Variants in SMCO1 observed in about 807,000 individuals in gnomAD.
SMCO1 encodes the protein single-pass membrane and coiled-coil domain-containing protein 1.
SMCO1 carries 9 observed loss-of-function variants against 7.5 expected under a neutral mutation model. That is an observed-to-expected ratio of 1.20 (90% CI 0.72 to 2.09). SMCO1 has a LOEUF of 2.09. Among genes scored for constraint, SMCO1 ranks in the 30% most tolerant of loss-of-function variants. SMCO1 has a pLI of 0.00. For missense variants in SMCO1, 219 were observed against 253.1 expected, an observed-to-expected ratio of 0.87 and a Z score of 0.91; for synonymous variants, 90 against 93.8, an observed-to-expected ratio of 0.96 and a Z score of 0.23.
chr3:196,509,475 C>G, intron 2 of SMCO1, 45 bp downstream of exon 2: 1 of 1,557,132 alleles, frequency 6.4e-7, no homozygotes, highest in Non-Finnish European at 8.8e-7. Flanking sequence ...AGTGGAAGCT[C>G]TCACAAAGCC....
upstream of SMCO1, among the ~76,000 whole-genome samples, chr3:196,519,539 T>A (rs917307993): frequency 7.2e-5 from 11 of 152,234 alleles, no homozygotes; most frequent in Admixed American, 5.2e-4. Flanking sequence ...CATTAGGTCC[T>A]TAAGTCCCTT....
chr3:196,513,426 C>A (rs541937366), intron 1 of SMCO1, among the ~76,000 whole-genome samples: 4 of 151,772 alleles, frequency 2.6e-5, no homozygotes, highest in Non-Finnish European at 5.9e-5. Context: ...GTCAAGAGAT[C>A]GAGACCATCC....
rs530369056 is a variant in SMCO1, at chr3:196,514,408, G to T, written c.50+752C>A. On this transcript the variant is annotated intron_variant, in intron 1 of 2. Transcript: ENST00000397537. ...TTTTCTCCCTCATAAGCTCCTACTT[G>T]CACTTTAAGATCCAGCTTAAATGAC... Among the ~76,000 whole-genome samples the T allele has an allele frequency of 7.2e-4, 110 of 152,202 alleles. 1 individual carries two copies. Among genetic ancestry groups the T allele is most frequent in the African/African-American group, 2.4e-3 (99 of 41,534 alleles).
Position 196,509,668 on chromosome 3 carries a change from C to T in SMCO1, c.52G>A (p.Val18Ile), listed in dbSNP as rs1733167212. Reference protein sequence around the residue: ...LISLKEAMKRVDHKLQALETQ... With the variant: ...LISLKEAMKRIDHKLQALETQ... ...TCTAACGCTTGGAGTTTGTGGTCTA[C>T]TCTGTAGGATAACAGAATCAAGGGT... Residue 18 changes from valine (V) to isoleucine (I), a missense_variant and splice_region_variant, in exon 2 of 3, where the codon GTA becomes ATA. Transcript: ENST00000397537. 1.2e-6 allele frequency: 2 copies of T among 1,613,364 alleles called. No individual in the cohort carries two copies. The highest frequency in any genetic ancestry group is 1.7e-6 in the Non-Finnish European group (2 of 1,179,446).
Position 196,507,172 on chromosome 3 carries a change from T to C in SMCO1, c.*715A>G, listed in dbSNP as rs895760991. Reference sequence around the variant, plus strand: ...GAATGGGAGCTCTCAGTCTGGCTCATGGATTTATCCAGAACTCATAGCTTG... The same window carrying C: ...GAATGGGAGCTCTCAGTCTGGCTCACGGATTTATCCAGAACTCATAGCTTG... On this transcript the variant is annotated 3_prime_UTR_variant, in exon 3 of 3. Coordinates refer to ENST00000397537, the MANE Select transcript of SMCO1 (RefSeq NM_001077657.3). 6.6e-6 allele frequency: 1 copy of C among 152,236 alleles called. No homozygotes were observed. The highest frequency in any genetic ancestry group is 2.4e-5 in the African/African-American group (1 of 41,446). 9.4% of individuals were successfully genotyped at this position (152,236 alleles called of 1,614,324 possible).
chr3:196,515,226 G>A lies in SMCO1; in HGVS notation c.-17C>T. 6.3e-7 allele frequency: 1 copy of A among 1,585,400 alleles called. No individual in the cohort carries two copies. The highest frequency in any genetic ancestry group is 8.6e-7 in the Non-Finnish European group (1 of 1,156,242). On this transcript the variant is annotated 5_prime_UTR_variant, in exon 1 of 3. Transcript: ENST00000397537. ...ATTGTTCATCTTCTGAAGGCAAAAG[G>A]AAAGAAAACAAAAACAAAGCAAAAC...
At position 196,515,007 on chromosome 3, in the gene SMCO1, T is replaced by C. The variant is rs549742753; in HGVS notation, c.50+153A>G. On this transcript the variant is annotated intron_variant, in intron 1 of 2. Transcript: ENST00000397537. Reference sequence around the variant, plus strand: ...CGCCCACCTCGGCCTCCCAGTGTGCTGGGATTACAGGTGTGAGCCACCGCA... The same window carrying C: ...CGCCCACCTCGGCCTCCCAGTGTGCCGGGATTACAGGTGTGAGCCACCGCA... The C allele has an allele frequency of 2.6e-4, 228 of 887,300 alleles. 7 individuals are homozygous for C. The South Asian group carries it at 2.9e-3, about 11-fold the overall frequency. 55.0% of individuals were successfully genotyped at this position (887,300 alleles called of 1,614,324 possible).
intron 1 of SMCO1, 122 bp from the exon 2 acceptor site, chr3:196,509,791 TTAC>T: frequency 1.3e-6 from 1 of 781,014 alleles, no homozygotes; most frequent in Non-Finnish European, 1.9e-6. Context: ...TTTTTTTTTT[TTAC>T]TTTTACTTTA....
chr3:196,515,310 G>A lies in SMCO1; in HGVS notation c.-101C>T, dbSNP rs574318227. ...TCTGCGGTCTTCCTCTCAGCAACAG[G>A]CAGCAGTAGCAGGAGCGCTCAGTCT... is the stretch of plus-strand genomic sequence containing the variant. On this transcript the variant is annotated 5_prime_UTR_variant, in exon 1 of 3. Coordinates refer to ENST00000397537, the MANE Select transcript of SMCO1 (RefSeq NM_001077657.3). 4 of 837,246 alleles carry A rather than the reference G, an allele frequency of 4.8e-6. No homozygotes were observed. The highest frequency in any genetic ancestry group is 1.8e-5 in the Admixed American group (1 of 55,094). The allele number at this position is 837,246 out of a possible 1,614,324, so 51.9% of individuals were successfully genotyped here.
intron 1 of SMCO1, among the ~76,000 whole-genome samples, chr3:196,511,131 C>A (rs1306475259): frequency 1.4e-5 from 2 of 144,076 alleles, no homozygotes; most frequent in African/African-American, 5.6e-5. Flanking sequence ...CCTAGATTGT[C>A]TTTATGAGGG....
In SMCO1 at chr3:196,509,667, A is replaced by C; in HGVS notation, c.53T>G (p.Val18Gly). The C allele has an allele frequency of 6.2e-7, 1 of 1,613,270 alleles. No homozygotes were observed. The highest frequency in any genetic ancestry group is 8.5e-7 in the Non-Finnish European group (1 of 1,179,398). ...TTCTAACGCTTGGAGTTTGTGGTCT[A>C]CTCTGTAGGATAACAGAATCAAGGG... is the stretch of plus-strand genomic sequence containing the variant. ...LISLKEAMKR[V>G]DHKLQALETQ... The change falls in exon 2 of 3, where the codon GTA (valine) becomes GGA (glycine). Residue 18 changes from valine to glycine, a missense_variant and splice_region_variant. Physicochemically the swap from Val to Gly is moderately radical, Grantham distance 109. Transcript: ENST00000397537.
chr3:196,515,091 ATTC>A, intron 1 of SMCO1, 66 bp downstream of exon 1: 6 of 1,561,678 alleles, frequency 3.8e-6, no homozygotes, highest in Non-Finnish European at 4.4e-6. Context: ...TCTATTCTTC[ATTC>A]TTCTCTTACC....
chr3:196,516,015 A>AAAATTATACATATAAT, upstream of SMCO1, among the ~76,000 whole-genome samples: 1 of 95,546 alleles, frequency 1.0e-5, no homozygotes, highest in Non-Finnish European at 1.7e-5. Context: ...ATATATATAT[A>AAAATTATACATATAAT]TATATATATA....
At chr3:196,516,316 G>A (rs539064788), upstream of SMCO1, among the ~76,000 whole-genome samples, 7 of 151,878 alleles carry the variant, frequency 4.6e-5, no homozygotes, top group African/African-American at 1.7e-4. Flanking sequence ...TCCTTGGGGA[G>A]ATATTCACCC....
upstream of SMCO1, among the ~76,000 whole-genome samples, chr3:196,516,684 C>T (rs1436796884): frequency 2.0e-5 from 3 of 152,150 alleles, no homozygotes; most frequent in South Asian, 2.1e-4. Context: ...ATAAGTAAGG[C>T]GAAATCCTTG....
upstream of SMCO1, among the ~76,000 whole-genome samples, chr3:196,519,197 A>T (rs1343902356): frequency 1.3e-5 from 2 of 152,242 alleles, no homozygotes; most frequent in African/African-American, 4.8e-5. Flanking sequence ...CTGTTGGGGA[A>T]GATCAGGAAA....
rs180787658 is a variant in SMCO1, at chr3:196,513,294, C to T, written c.50+1866G>A. Among the ~76,000 whole-genome samples, 29 of 150,608 alleles carry T rather than the reference C, an allele frequency of 1.9e-4. No individual in the cohort carries two copies. The East Asian group carries it at 5.5e-3, about 28-fold the overall frequency. ...GCAGTGAGCTGTGATCATGCCACTG[C>T]ACTCAGCTTGAGCAACACAGCAAGA... On this transcript the variant is annotated intron_variant, in intron 1 of 2. Coordinates refer to ENST00000397537, the MANE Select transcript of SMCO1 (RefSeq NM_001077657.3).
At position 196,509,623 on chromosome 3, in the gene SMCO1, C is replaced by G. The variant is rs759849329; in HGVS notation, c.97G>C (p.Asp33His). The G allele has an allele frequency of 3.1e-6, 5 of 1,614,088 alleles. No homozygotes were observed. The highest frequency in any genetic ancestry group is 4.2e-6 in the Non-Finnish European group (5 of 1,179,984). ...TGCATCAGGTTATCCTTGGTGAAGTCTAGTTCTTTGAACTGTGTTTCTAAC... is the reference window on the plus strand; with the variant it reads ...TGCATCAGGTTATCCTTGGTGAAGTGTAGTTCTTTGAACTGTGTTTCTAAC... Reference protein sequence around the residue: ...QALETQFKELDFTKDNLMQKF... With the variant: ...QALETQFKELHFTKDNLMQKF... Residue 33 changes from aspartate to histidine, a missense_variant, in exon 2 of 3, where the codon GAC (aspartate) becomes CAC (histidine). By Grantham distance (81) the Asp-to-His change is moderately conservative. Coordinates refer to ENST00000397537, the MANE Select transcript of SMCO1 (RefSeq NM_001077657.3).
Position 196,509,677 on chromosome 3 carries a change from A to G in SMCO1, c.51-8T>C, listed in dbSNP as rs558698204. The G allele has an allele frequency of 3.1e-6, 5 of 1,609,520 alleles. No individual in the cohort carries two copies. In the African/African-American group the frequency reaches 5.3e-5, roughly 17 times the overall value. On this transcript the variant is annotated splice_region_variant and splice_polypyrimidine_tract_variant and intron_variant, in intron 1 of 2. Coordinates refer to ENST00000397537, the MANE Select transcript of SMCO1 (RefSeq NM_001077657.3). ...TGGAGTTTGTGGTCTACTCTGTAGGATAACAGAATCAAGGGTTAGTTTAGG... is the reference window on the plus strand; with the variant it reads ...TGGAGTTTGTGGTCTACTCTGTAGGGTAACAGAATCAAGGGTTAGTTTAGG...
Sources: gnomAD v4.1 joint callset for allele counts (sites outside exome capture counted in the v4.1 genomes callset) on GRCh38, gnomAD v4.1.1 for gene constraint, MANE v1.5 for transcripts, NCBI Gene and HGNC (gene_info 2026-07-23, HGNC 2026-07-21) for gene names.